NAA16: variants seen among roughly 807,000 people sequenced by gnomAD.
The protein encoded by NAA16 is NARG1-like protein.
A neutral mutation model predicts 110.3 loss-of-function variants in NAA16; 97 were observed. The observed-to-expected ratio is 0.88, with a 90% confidence interval of 0.75 to 1.04. NAA16 has a LOEUF of 1.04. Ranked by LOEUF, NAA16 falls within the 50% of genes least tolerant of loss-of-function variation. The pLI, the probability that NAA16 is intolerant of heterozygous loss-of-function variation, is 0.00. For synonymous variants in NAA16, 372 were observed against 330.6 expected (o/e 1.13, Z -1.36); for missense variants, 1,017 against 1,005.1 (o/e 1.01, Z -0.16).
At chr13:41,371,033 TAAAAG>T (rs201204323) in intron 15 of NAA16, among the ~76,000 whole-genome samples, 1,636 of 152,212 alleles carry the variant, frequency 0.011, 49 homozygotes, top group East Asian at 0.046. Context: ...AAGGAAATCA[TAAAAG>T]AGATTGTGGA....
At position 41,325,806 on chromosome 13, in the gene NAA16, T is replaced by G. The variant is rs549027992; in HGVS notation, c.646T>G (p.Tyr216Asp). ...GGAATCTTTGGAACATATAGAAATG[T>G]ATGAGAAACAAATATGTGATAAACT... is the stretch of plus-strand genomic sequence containing the variant. ...LQESLEHIEM[Y>D]EKQICDKLLV... The change falls in exon 6 of 20, where the codon TAT (tyrosine) becomes GAT (aspartate). Residue 216 changes from tyrosine to aspartate, a missense_variant. Tyr to Asp is a radical substitution (Grantham distance 160). Transcript: ENST00000379406. 6.2e-7 allele frequency: 1 copy of G among 1,609,250 alleles called. No individual in the cohort carries two copies. Among genetic ancestry groups the G allele is most frequent in the African/African-American group, 1.3e-5 (1 of 74,888 alleles).
intron 9 of NAA16, among the ~76,000 whole-genome samples, chr13:41,351,961 G>A (rs2042847624): frequency 6.6e-6 from 1 of 152,158 alleles, no homozygotes; most frequent in Non-Finnish European, 1.5e-5. Context: ...GTAAACTTGA[G>A]CGAAATAAGT....
chr13:41,336,617 C>T, intron 8 of NAA16, 33 bp from the exon 9 acceptor site: 1 of 1,296,280 alleles, frequency 7.7e-7, no homozygotes, highest in Admixed American at 2.2e-5. Context: ...TTTGCGTGAA[C>T]CAAAGAATAA....
chr13:41,326,139 A>T (rs2042088044), intron 6 of NAA16, among the ~76,000 whole-genome samples: 1 of 152,170 alleles, frequency 6.6e-6, no homozygotes. Flanking sequence ...TAAGCAGTAT[A>T]TTACACTGCC....
chr13:41,372,087 G>A, intron 15 of NAA16, 116 bp from the exon 16 acceptor site: 2 of 834,202 alleles, frequency 2.4e-6, no homozygotes, highest in East Asian at 3.3e-5. Context: ...CTTGTTATTT[G>A]GTTTTATAAA....
rs2043436353 is a variant in NAA16 at position 41,376,987 on chromosome 13, T to A, written c.*1385T>A. ...ACGGGAAAAACTCGCTGTAAAATAA[T>A]GCCAACCTAGATAATGCTATAATAA... On this transcript the variant is annotated 3_prime_UTR_variant, in exon 20 of 20. Coordinates refer to ENST00000379406, the MANE Select transcript of NAA16 (RefSeq NM_024561.5). 6.6e-6 allele frequency: 1 copy of A among 152,208 alleles called. No homozygotes were observed. Among genetic ancestry groups the A allele is most frequent in the South Asian group, 2.1e-4 (1 of 4,832 alleles). The allele number at this position is 152,208 out of a possible 1,614,324, so 9.4% of individuals were successfully genotyped here. A position where few individuals can be genotyped will look rare whatever the true frequency, so the allele number is the denominator to read the frequency against.
chr13:41,330,173 G>A lies in NAA16; in HGVS notation c.812-1101G>A, dbSNP rs150856302. Among the ~76,000 whole-genome samples the A allele has an allele frequency of 4.4e-3, 669 of 151,970 alleles. 20 individuals are homozygous for A. The highest frequency in any genetic ancestry group is 0.039 in the Admixed American group (595 of 15,246). ...GAAGTCTCCAAATCATTAACAGAGA[G>A]CGAGGTTTTTTTTTGTTTTTTTGTT... On this transcript the variant is annotated intron_variant, in intron 7 of 19. Transcript: ENST00000379406.
At chr13:41,324,444 C>T (rs1203757596) in intron 5 of NAA16, among the ~76,000 whole-genome samples, 7 of 134,354 alleles carry the variant, frequency 5.2e-5, no homozygotes, top group East Asian at 2.3e-4. Context: ...GGTGCAATCT[C>T]GGCTCACTGC....
intron 15 of NAA16, among the ~76,000 whole-genome samples, chr13:41,371,519 G>A (rs1310705859): frequency 6.6e-6 from 1 of 152,112 alleles, no homozygotes; most frequent in Non-Finnish European, 1.5e-5. Flanking sequence ...TACCCAACAT[G>A]AAGATAAGGA....
chr13:41,324,118 A>G (rs959113718), intron 5 of NAA16, among the ~76,000 whole-genome samples: 1 of 152,006 alleles, frequency 6.6e-6, no homozygotes, highest in African/African-American at 2.4e-5. Context: ...TTAATCTGCT[A>G]TTTTTACTCT....
In NAA16 at chr13:41,369,139, A is replaced by G; in HGVS notation, c.1803A>G (p.Arg601=). Residue 601 remains arginine (R), a synonymous_variant, in exon 15 of 20, where the codon AGA becomes AGG. Coordinates refer to ENST00000379406, the MANE Select transcript of NAA16 (RefSeq NM_024561.5). ...AGAAAATGCTTAGCAAGCAGAGAAGAGCTCAGAAAAAGGCTAAACTAGAAG... is the reference window on the plus strand; with the variant it reads ...AGAAAATGCTTAGCAAGCAGAGAAGGGCTCAGAAAAAGGCTAAACTAGAAG... ...ELKKMLSKQR[R]AQKKAKLEEE... The G allele has an allele frequency of 6.3e-7, 1 of 1,586,572 alleles. No homozygotes were observed. The highest frequency in any genetic ancestry group is 8.5e-7 in the Non-Finnish European group (1 of 1,172,982).
intron 9 of NAA16, among the ~76,000 whole-genome samples, chr13:41,339,414 C>T (rs1165272880): frequency 2.0e-5 from 3 of 152,208 alleles, no homozygotes; most frequent in East Asian, 3.8e-4. Context: ...GCTGGGATTA[C>T]AGGCGTGAGC....
At chr13:41,348,184 T>C (rs1331854276) in intron 9 of NAA16, among the ~76,000 whole-genome samples, 3 of 151,912 alleles carry the variant, frequency 2.0e-5, no homozygotes, top group South Asian at 2.1e-4. Context: ...ATTTTTTTTT[T>C]CAAGATGCAA....
At chr13:41,330,037 T>G (rs2042194128) in intron 7 of NAA16, among the ~76,000 whole-genome samples, 1 of 144,456 alleles carries the variant, frequency 6.9e-6, no homozygotes, top group Admixed American at 7.0e-5. Flanking sequence ...TTTTTTTTTT[T>G]CATACTTGGC....
chr13:41,329,778 T>C (rs1036871944), intron 7 of NAA16, among the ~76,000 whole-genome samples: 1 of 151,996 alleles, frequency 6.6e-6, no homozygotes, highest in Non-Finnish European at 1.5e-5. Context: ...AAAACATGGG[T>C]TAACTACGAT....
intron 1 of NAA16, among the ~76,000 whole-genome samples, chr13:41,312,094 A>G (rs138201803): frequency 6.6e-6 from 1 of 152,358 alleles, no homozygotes; most frequent in African/African-American, 2.4e-5. Context: ...GAGGAAATAA[A>G]ACCGGCAACT....
At chr13:41,370,036 GAGAT>G (rs1335648023) in intron 15 of NAA16, among the ~76,000 whole-genome samples, 2 of 152,170 alleles carry the variant, frequency 1.3e-5, no homozygotes, top group African/African-American at 4.8e-5. Context: ...TAGCTACAAA[GAGAT>G]AGCACCTCCA....
chr13:41,354,420 T>C (rs2042925655), intron 9 of NAA16: 1 of 152,232 alleles, frequency 6.6e-6, no homozygotes, highest in Non-Finnish European at 1.5e-5. Context: ...CATGACCACT[T>C]CAGTGTGAGG....
chr13:41,338,801 T>C (rs1426471247), intron 9 of NAA16, among the ~76,000 whole-genome samples: 1 of 152,184 alleles, frequency 6.6e-6, no homozygotes, highest in Non-Finnish European at 1.5e-5. Context: ...GAGTAGGTGG[T>C]GTTTGGTTAC....
Sources: allele counts gnomAD v4.1 joint callset (sites outside exome capture counted in the v4.1 genomes callset), GRCh38; gene constraint gnomAD v4.1.1; transcripts MANE v1.5; gene names NCBI Gene and HGNC (gene_info 2026-07-23, HGNC 2026-07-21).